The following LPCAT3 variants were observed in gnomAD, a reference collection of about 807,000 sequenced individuals.
LPCAT3 encodes the protein lysophosphatidylcholine acyltransferase 3, also known as lysophospholipid acyltransferase 5.
A neutral mutation model predicts 63.4 loss-of-function variants in LPCAT3; 21 were observed. The ratio of observed to expected loss-of-function variants is 0.33; its 90% CI spans 0.23 to 0.48. The LOEUF (loss-of-function observed/expected upper bound fraction) is 0.48, where lower values mean the gene tolerates loss of function less well. LPCAT3 is among the 20% of genes least tolerant of loss of function. LPCAT3 has a pLI of 0.99. For synonymous variants in LPCAT3, 242 were observed against 227.5 expected (o/e 1.06, Z -0.58); for missense variants, 451 against 590.6 (o/e 0.76, Z 2.45).
intron 1 of LPCAT3, among the ~76,000 whole-genome samples, chr12:6,994,268 C>T (rs1946616009): frequency 6.6e-6 from 1 of 152,140 alleles, no homozygotes; most frequent in Admixed American, 6.5e-5. Context: ...AGTGCAGTGG[C>T]ATGATCTTGG....
At chr12:6,991,464 T>C (rs901596548) in intron 1 of LPCAT3, among the ~76,000 whole-genome samples, 8 of 152,236 alleles carry the variant, frequency 5.3e-5, no homozygotes, top group African/African-American at 1.9e-4. Context: ...ATCTTCTAAA[T>C]ACTGACATAT....
intron 1 of LPCAT3, among the ~76,000 whole-genome samples, chr12:7,007,597 C>G (rs1419086154): frequency 6.8e-6 from 1 of 147,626 alleles, no homozygotes; most frequent in African/African-American, 2.5e-5. Flanking sequence ...CAGGTTCAAG[C>G]GATTCTCCTG....
rs117446600 is a variant in LPCAT3, at chr12:6,980,409, G to A, written c.677+595C>T. 6.8e-4 allele frequency among the ~76,000 whole-genome samples: 104 copies of A among 152,132 alleles called. No individual in the cohort carries two copies. The East Asian group carries it at 0.013, about 19-fold the overall frequency. ...ATGTTGCCCAGAATGGAGTGCAGTG[G>A]TGTGATCAAAGCTCACTGCAGCCTT... On this transcript the variant is annotated intron_variant, in intron 6 of 12. Transcript: ENST00000261407.
Position 6,987,635 on chromosome 12 carries a change from A to C in LPCAT3, c.152-4096T>G. 1 of 393,084 alleles carries C rather than the reference A, an allele frequency of 2.5e-6. No individual in the cohort carries two copies. Among genetic ancestry groups the C allele is most frequent in the South Asian group, 1.4e-4 (1 of 6,994 alleles). 24.3% of individuals were successfully genotyped at this position (393,084 alleles called of 1,614,324 possible). A position where few individuals can be genotyped will look rare whatever the true frequency, so the allele number is the denominator to read the frequency against. ...AAAAAATATAAAACAGTAGATAATT[A>C]TCTAGAGCACTCATAAATAAGTTCT... On this transcript the variant is annotated intron_variant, in intron 1 of 12. Coordinates refer to ENST00000261407, the MANE Select transcript of LPCAT3 (RefSeq NM_005768.6). This position sits in a 1 kb window ranked among gnomAD's most constrained non-coding sequence, Gnocchi z 4.1.
Position 6,987,838 on chromosome 12 carries a change from G to A in LPCAT3, c.152-4299C>T, listed in dbSNP as rs1591549763. 2 of 400,570 alleles carry A rather than the reference G, an allele frequency of 5.0e-6. No homozygotes were observed. Among genetic ancestry groups the A allele is most frequent in the East Asian group, 7.1e-5 (2 of 28,086 alleles). 24.8% of individuals were successfully genotyped at this position (400,570 alleles called of 1,614,324 possible). A position where few individuals can be genotyped will look rare whatever the true frequency, so the allele number is the denominator to read the frequency against. On this transcript the variant is annotated intron_variant, in intron 1 of 12. Coordinates refer to ENST00000261407, the MANE Select transcript of LPCAT3 (RefSeq NM_005768.6). The surrounding 1 kb of genome is among the most constrained non-coding windows in gnomAD (Gnocchi z 4.1). ...TCATGATGGCTTTATGACGTTCTGAGGTATGTGAAATTGTCTGCCTGACTC... is the reference window on the plus strand; with the variant it reads ...TCATGATGGCTTTATGACGTTCTGAAGTATGTGAAATTGTCTGCCTGACTC...
chr12:7,006,894 G>A (rs1206532039), intron 1 of LPCAT3, among the ~76,000 whole-genome samples: 6 of 152,120 alleles, frequency 3.9e-5, no homozygotes, highest in African/African-American at 1.2e-4. Context: ...TGGAAACCTC[G>A]AGAGTTATAA....
Position 6,979,490 on chromosome 12 carries a change from A to C in LPCAT3, c.767T>G (p.Leu256Arg). The C allele has an allele frequency of 6.2e-7, 1 of 1,612,844 alleles. No individual in the cohort carries two copies. The highest frequency in any genetic ancestry group is 8.5e-7 in the Non-Finnish European group (1 of 1,178,844). Residue 256 changes from leucine to arginine, a missense_variant, in exon 7 of 13, where the codon CTC becomes CGC. Leu to Arg is a moderately radical substitution (Grantham distance 102). Transcript: ENST00000261407. ...ACTCACGTCATAGTCTTCAGTGAGG[A>C]GATAGTCTTCTGTGATGTGGGGGCT... ...LLSPHITEDY[L>R]LTEDYDNHPF...
At position 6,987,830 on chromosome 12, in the gene LPCAT3, C is replaced by T. The variant is rs1221219042; in HGVS notation, c.152-4291G>A. 7.5e-6 allele frequency: 3 copies of T among 400,548 alleles called. No homozygotes were observed. The highest frequency in any genetic ancestry group is 8.8e-6 in the Non-Finnish European group (2 of 226,222). 24.8% of individuals were successfully genotyped at this position (400,548 alleles called of 1,614,324 possible). A position where few individuals can be genotyped will look rare whatever the true frequency, so the allele number is the denominator to read the frequency against. ...GAGTAAAGTCATGATGGCTTTATGACGTTCTGAGGTATGTGAAATTGTCTG... is the reference window on the plus strand; with the variant it reads ...GAGTAAAGTCATGATGGCTTTATGATGTTCTGAGGTATGTGAAATTGTCTG... On this transcript the variant is annotated intron_variant, in intron 1 of 12. Transcript: ENST00000261407. This position sits in a 1 kb window ranked among gnomAD's most constrained non-coding sequence, Gnocchi z 4.1.
chr12:6,977,867 C>T lies in LPCAT3; in HGVS notation c.1041-122G>A, dbSNP rs1163656930. ...GCTGGTGGGTTCCCACGTGTAGCCC[C>T]CAGAGGGTACAGGAGGCAGTGCTGA... On this transcript the variant is annotated intron_variant, in intron 9 of 12. Coordinates refer to ENST00000261407, the MANE Select transcript of LPCAT3 (RefSeq NM_005768.6). The surrounding 1 kb of genome is among the most constrained non-coding windows in gnomAD (Gnocchi z 4.5). The T allele has an allele frequency of 4.3e-6, 5 of 1,163,838 alleles. No individual in the cohort carries two copies. The highest frequency in any genetic ancestry group is 3.0e-5 in the African/African-American group (2 of 65,608). 72.1% of individuals were successfully genotyped at this position (1,163,838 alleles called of 1,614,324 possible). A position where few individuals can be genotyped will look rare whatever the true frequency, so the allele number is the denominator to read the frequency against.
chr12:6,986,055 G>A (rs901026213), intron 1 of LPCAT3, among the ~76,000 whole-genome samples: 27 of 151,746 alleles, frequency 1.8e-4, no homozygotes, highest in African/African-American at 2.9e-4. Context: ...GATTACAGGC[G>A]TGAGCCACCA....
rs782547247 is a variant in LPCAT3 at position 7,001,548 on chromosome 12, G to A, written c.151+16726C>T. The A allele has an allele frequency of 1.0e-3, 477 of 455,984 alleles. 5 individuals carry two copies. The highest frequency in any genetic ancestry group is 7.1e-3 in the South Asian group (460 of 64,548). 28.2% of individuals were successfully genotyped at this position (455,984 alleles called of 1,614,324 possible). Reference sequence around the variant, plus strand: ...AGGCTTTTGGGAGGGGTTATTTGGCGCGGTGTTGGTGTTGGTAGGATCCTG... The same window carrying A: ...AGGCTTTTGGGAGGGGTTATTTGGCACGGTGTTGGTGTTGGTAGGATCCTG... On this transcript the variant is annotated intron_variant, in intron 1 of 12. Transcript: ENST00000261407.
At chr12:6,998,967 A>T (rs958709319) in intron 1 of LPCAT3, among the ~76,000 whole-genome samples, 3 of 152,224 alleles carry the variant, frequency 2.0e-5, no homozygotes, top group African/African-American at 7.2e-5. Flanking sequence ...TTTCCATTCT[A>T]CTATTCTTGC....
chr12:6,992,541 T>C (rs968861000), intron 1 of LPCAT3, among the ~76,000 whole-genome samples: 1 of 152,196 alleles, frequency 6.6e-6, no homozygotes, highest in Non-Finnish European at 1.5e-5. Flanking sequence ...TACATCTTAG[T>C]AGTATCATGA....
intron 6 of LPCAT3, chr12:6,979,854 T>C: frequency 2.4e-6 from 1 of 412,050 alleles, no homozygotes; most frequent in Admixed American, 4.0e-5. Flanking sequence ...ATGCTACTGA[T>C]CTCAAGGTCT....
intron 1 of LPCAT3, among the ~76,000 whole-genome samples, chr12:7,015,582 T>C (rs1946792477): frequency 6.6e-6 from 1 of 152,220 alleles, no homozygotes; most frequent in Non-Finnish European, 1.5e-5. Flanking sequence ...CTGTGCCTAC[T>C]AGGAATACAA....
intron 1 of LPCAT3, among the ~76,000 whole-genome samples, chr12:6,993,234 T>G (rs1946605441): frequency 6.6e-6 from 1 of 152,034 alleles, no homozygotes; most frequent in East Asian, 1.9e-4. Flanking sequence ...GGTCAGGAGA[T>G]CAAGACCATC....
intron 1 of LPCAT3, among the ~76,000 whole-genome samples, chr12:7,015,777 T>C (rs1039912881): frequency 2.6e-5 from 4 of 152,038 alleles, no homozygotes; most frequent in African/African-American, 9.7e-5. Flanking sequence ...TTACACCAAG[T>C]GTTTATTACT....
chr12:6,992,181 C>A (rs1946595535), intron 1 of LPCAT3, among the ~76,000 whole-genome samples: 1 of 151,712 alleles, frequency 6.6e-6, no homozygotes, highest in African/African-American at 2.4e-5. Context: ...AAAACAAAAA[C>A]AAAAATTAGC....
At chr12:7,010,024 T>C (rs781857953) in intron 1 of LPCAT3, among the ~76,000 whole-genome samples, 1 of 152,350 alleles carries the variant, frequency 6.6e-6, no homozygotes, top group South Asian at 2.1e-4. Context: ...AATGAGCTTA[T>C]GGTGAAACAG....
Sources: allele counts gnomAD v4.1 joint callset (sites outside exome capture counted in the v4.1 genomes callset), GRCh38; gene constraint gnomAD v4.1.1; non-coding constraint Gnocchi (gnomAD v3.1); transcripts MANE v1.5; gene names NCBI Gene and HGNC (gene_info 2026-07-23, HGNC 2026-07-21).